CHCHD3: variants seen among roughly 807,000 people sequenced by gnomAD.
CHCHD3 encodes the protein coiled-coil-helix-coiled-coil-helix domain containing 3.
Under a neutral mutation model 38.2 loss-of-function variants are expected in CHCHD3, and 20 were observed. That is an observed-to-expected ratio of 0.52 (90% CI 0.37 to 0.76). The LOEUF is 0.76. Among genes scored for constraint, CHCHD3 ranks in the 30% least tolerant of loss-of-function variants. CHCHD3 has a pLI of 0.00. For missense variants in CHCHD3, 245 were observed against 279.2 expected (o/e 0.88, Z 0.87); for synonymous variants, 82 against 100.0 (o/e 0.82, Z 1.07).
At chr7:132,877,052 C>T (rs530743683) in intron 5 of CHCHD3, among the ~76,000 whole-genome samples, 23 of 152,154 alleles carry the variant, frequency 1.5e-4, no homozygotes, top group Admixed American at 9.8e-4. Flanking sequence ...GTAAATAGAG[C>T]CCCAAATTAA....
intron 3 of CHCHD3, among the ~76,000 whole-genome samples, chr7:133,004,060 C>T (rs1403765316): frequency 6.6e-6 from 1 of 152,114 alleles, no homozygotes; most frequent in Non-Finnish European, 1.5e-5. Context: ...GAGCGATTCT[C>T]CTGCCTCAGC....
intron 5 of CHCHD3, among the ~76,000 whole-genome samples, chr7:132,871,304 T>A (rs1473464189): frequency 6.6e-6 from 1 of 152,242 alleles, no homozygotes; most frequent in Non-Finnish European, 1.5e-5. Context: ...AATTTTTTAA[T>A]GTACCCAACA....
chr7:132,984,317 G>A (rs1413831761), intron 3 of CHCHD3, among the ~76,000 whole-genome samples: 1 of 151,862 alleles, frequency 6.6e-6, no homozygotes, highest in Non-Finnish European at 1.5e-5. Flanking sequence ...CGCCAGCCTC[G>A]GCCTCCCGAG....
rs57262694 is a variant in CHCHD3 at position 132,824,314 on chromosome 7, C to CTTTT, written c.524+14081_524+14084dup. On this transcript the variant is annotated intron_variant, in intron 6 of 7. Coordinates refer to ENST00000262570, the MANE Select transcript of CHCHD3 (RefSeq NM_017812.4). The stretch of plus-strand genomic sequence containing the variant: ...AAAAATATTCCCAAGTAGTAGAACT[C>CTTTT]TTTTTTTTTTTTTTTTTTTTTTGAG... Among the ~76,000 whole-genome samples the CTTTT allele has an allele frequency of 4.5e-4, 41 of 90,118 alleles. 4 individuals are homozygous for CTTTT. The highest frequency in any genetic ancestry group is 7.1e-4 in the East Asian group (2 of 2,816). 59.1% of individuals were successfully genotyped at this position (90,118 alleles called of 152,430 possible).
chr7:133,030,890 T>G (rs1307741686), intron 2 of CHCHD3, among the ~76,000 whole-genome samples: 3 of 152,160 alleles, frequency 2.0e-5, no homozygotes, highest in Non-Finnish European at 4.4e-5. Flanking sequence ...ACCATTTACT[T>G]GAAACCATTA....
intron 4 of CHCHD3, among the ~76,000 whole-genome samples, chr7:132,898,468 G>C (rs1419125651): frequency 6.6e-6 from 1 of 152,196 alleles, no homozygotes; most frequent in African/African-American, 2.4e-5. Flanking sequence ...GTGTCGATTG[G>C]TGCATTCACA....
chr7:133,081,827 C>T, intron 1 of CHCHD3, 30 bp downstream of exon 1: 1 of 1,550,346 alleles, frequency 6.5e-7, no homozygotes. Flanking sequence ...AGTCCAACCA[C>T]TGGCCCTCCG....
intron 7 of CHCHD3, among the ~76,000 whole-genome samples, chr7:132,787,152 AG>A (rs1806340660): frequency 6.6e-6 from 1 of 152,208 alleles, no homozygotes; most frequent in Admixed American, 6.5e-5. Flanking sequence ...CCTAGCTGGA[AG>A]AAAGGGTACA....
At chr7:133,023,619 T>C (rs1182232828) in intron 3 of CHCHD3, among the ~76,000 whole-genome samples, 1 of 152,238 alleles carries the variant, frequency 6.6e-6, no homozygotes, top group Non-Finnish European at 1.5e-5. Context: ...CTAAGCTATG[T>C]GCAAACTCCA....
intron 4 of CHCHD3, among the ~76,000 whole-genome samples, chr7:132,944,651 C>T (rs927913664): frequency 2.5e-4 from 38 of 151,378 alleles, no homozygotes; most frequent in Non-Finnish European, 4.6e-4. Context: ...AAATATGAGC[C>T]GAAATTTGTA....
intron 4 of CHCHD3, among the ~76,000 whole-genome samples, chr7:132,888,869 A>T (rs999290693): frequency 5.3e-5 from 8 of 152,002 alleles, no homozygotes; most frequent in African/African-American, 1.9e-4. Context: ...GAAATGGGGG[A>T]GGGAGGAGCA....
Position 133,035,454 on chromosome 7 carries a change from C to G in CHCHD3, c.170-10827G>C. The G allele has an allele frequency of 1.2e-6, 2 of 1,613,546 alleles. No individual in the cohort carries two copies. Among genetic ancestry groups the G allele is most frequent in the Non-Finnish European group, 1.7e-6 (2 of 1,179,504 alleles). On this transcript the variant is annotated intron_variant, in intron 2 of 7. Coordinates refer to ENST00000262570, the MANE Select transcript of CHCHD3 (RefSeq NM_017812.4). This position sits in a 1 kb window ranked among gnomAD's most constrained non-coding sequence, Gnocchi z 4.7. ...AACTGTGATGTCAGCCAATGTCACT[C>G]GTTCGCCCACCAGAAAAGTCCTCGT...
At chr7:132,954,109 G>A (rs961077800) in intron 4 of CHCHD3, among the ~76,000 whole-genome samples, 2 of 152,164 alleles carry the variant, frequency 1.3e-5, no homozygotes, top group African/African-American at 4.8e-5. Context: ...GGATGTCCCA[G>A]GCAGAGGGAC....
intron 4 of CHCHD3, among the ~76,000 whole-genome samples, chr7:132,949,283 G>A (rs1218067906): frequency 6.6e-6 from 1 of 152,114 alleles, no homozygotes; most frequent in Non-Finnish European, 1.5e-5. Flanking sequence ...CCAACAGAAT[G>A]TGAAGGAAAG....
rs1314862398 is a variant in CHCHD3 at position 132,785,027 on chromosome 7, TCTC to T, written c.*607_*609del. Reference sequence around the variant, plus strand: ...ATTCCAGTAGAAGAGGTACATTTTCTCTCCTTTTTGTCTTCTTGCCTGTATAAT... The same window carrying T: ...ATTCCAGTAGAAGAGGTACATTTTCTCTTTTTGTCTTCTTGCCTGTATAAT... On this transcript the variant is annotated 3_prime_UTR_variant, in exon 8 of 8. Transcript: ENST00000262570. 4 of 152,678 alleles carry T rather than the reference TCTC, an allele frequency of 2.6e-5. No homozygotes were observed. The highest frequency in any genetic ancestry group is 4.4e-5 in the Non-Finnish European group (3 of 68,044). 9.5% of individuals were successfully genotyped at this position (152,678 alleles called of 1,614,324 possible). A position where few individuals can be genotyped will look rare whatever the true frequency, so the allele number is the denominator to read the frequency against.
chr7:132,840,042 A>C (rs1342620412), intron 5 of CHCHD3, among the ~76,000 whole-genome samples: 2 of 152,240 alleles, frequency 1.3e-5, no homozygotes, highest in African/African-American at 4.8e-5. Flanking sequence ...ATAAAATTGC[A>C]ATTTGAGTGA....
At chr7:132,982,225 G>A (rs1467356656) in intron 3 of CHCHD3, among the ~76,000 whole-genome samples, 1 of 152,214 alleles carries the variant, frequency 6.6e-6, no homozygotes, top group Non-Finnish European at 1.5e-5. Flanking sequence ...TTCAAATCCT[G>A]GAAGAAAATA....
At chr7:132,805,417 C>T (rs1472686101) in intron 6 of CHCHD3, among the ~76,000 whole-genome samples, 1 of 151,834 alleles carries the variant, frequency 6.6e-6, no homozygotes, top group Admixed American at 6.6e-5. Flanking sequence ...ACTCAGAGGG[C>T]GTTTGAGAGG....
intron 3 of CHCHD3, among the ~76,000 whole-genome samples, chr7:133,023,021 A>T (rs1404282769): frequency 1.3e-5 from 2 of 152,042 alleles, no homozygotes; most frequent in African/African-American, 4.8e-5. Flanking sequence ...TCAATTAAAA[A>T]TAACAAAATT....
Sources: allele counts gnomAD v4.1 joint callset (sites outside exome capture counted in the v4.1 genomes callset), GRCh38; gene constraint gnomAD v4.1.1; non-coding constraint Gnocchi (gnomAD v3.1); transcripts MANE v1.5; gene names NCBI Gene and HGNC (gene_info 2026-07-23, HGNC 2026-07-21).